Variants in MAGI2 observed in about 807,000 individuals in gnomAD.
MAGI2 encodes the protein membrane-associated guanylate kinase, WW and PDZ domain-containing protein 2.
Under a neutral mutation model 133.3 loss-of-function variants are expected in MAGI2, and 35 were observed. That is an observed-to-expected ratio of 0.26 (90% confidence interval 0.20 to 0.35). MAGI2 has a LOEUF of 0.35. Ranked by LOEUF, MAGI2 falls within the 10% of genes least tolerant of loss-of-function variation. The pLI, the probability that MAGI2 is intolerant of heterozygous loss-of-function variation, is 1.00. For missense variants in MAGI2, 1,636 were observed against 1,863.4 expected (o/e 0.88, Z 2.25); for synonymous variants, 729 against 710.6 (o/e 1.03, Z -0.41).
intron 2 of MAGI2, among the ~76,000 whole-genome samples, chr7:78,780,413 AT>A (rs1221364597): frequency 6.6e-6 from 1 of 152,206 alleles, no homozygotes; most frequent in Non-Finnish European, 1.5e-5. Context: ...AAAGCAAAAT[AT>A]CAGTTGAAAC....
chr7:79,063,275 C>T (rs1480928552), intron 1 of MAGI2, among the ~76,000 whole-genome samples: 1 of 152,058 alleles, frequency 6.6e-6, no homozygotes, highest in African/African-American at 2.4e-5. Flanking sequence ...CTCATATTAT[C>T]ATCAGCCAAA....
At chr7:78,201,037 A>AT (rs1279908382) in intron 11 of MAGI2, 125 bp downstream of exon 11, 99 of 629,716 alleles carry the variant, frequency 1.6e-4, no homozygotes, top group Admixed American at 1.2e-3. Flanking sequence ...CAGAGGATTT[A>AT]TTTTTTTTAC....
intron 9 of MAGI2, among the ~76,000 whole-genome samples, chr7:78,266,010 C>T (rs1238450383): frequency 6.6e-6 from 1 of 152,102 alleles, no homozygotes; most frequent in Non-Finnish European, 1.5e-5. Context: ...CAATAGCCTG[C>T]AGTTCTGACT....
intron 1 of MAGI2, among the ~76,000 whole-genome samples, chr7:79,371,430 C>T (rs1843040747): frequency 6.6e-6 from 1 of 151,918 alleles, no homozygotes; most frequent in African/African-American, 2.4e-5. Flanking sequence ...CATGACATTC[C>T]TGTTAACTAC....
At chr7:78,976,748 A>G (rs550919102) in intron 2 of MAGI2, among the ~76,000 whole-genome samples, 15 of 151,656 alleles carry the variant, frequency 9.9e-5, no homozygotes, top group African/African-American at 3.1e-4. Flanking sequence ...ATAACCAAGT[A>G]TAGCAAGGTT....
intron 2 of MAGI2, among the ~76,000 whole-genome samples, chr7:78,951,473 G>T (rs977973311): frequency 6.6e-6 from 1 of 152,114 alleles, no homozygotes; most frequent in African/African-American, 2.4e-5. Flanking sequence ...AAGGAGAAGT[G>T]CCAGCAGGGG....
At chr7:78,111,727 A>C (rs1373176668) in intron 20 of MAGI2, among the ~76,000 whole-genome samples, 1 of 152,240 alleles carries the variant, frequency 6.6e-6, no homozygotes, top group Non-Finnish European at 1.5e-5. Flanking sequence ...GGCATGGAGC[A>C]GGGCCAGACA....
At chr7:79,096,876 G>C (rs1319165698) in intron 1 of MAGI2, among the ~76,000 whole-genome samples, 2 of 151,996 alleles carry the variant, frequency 1.3e-5, no homozygotes, top group African/African-American at 4.8e-5. Flanking sequence ...CCCAAACTAG[G>C]GAGAACATAA....
chr7:79,435,643 C>A (rs1299824878), intron 1 of MAGI2, among the ~76,000 whole-genome samples: 1 of 152,040 alleles, frequency 6.6e-6, no homozygotes. Context: ...ATTCCATGCT[C>A]GTGAATTGGC....
At chr7:79,213,233 TGTGTGTATATATGTGG>T (rs1213563805) in intron 1 of MAGI2, among the ~76,000 whole-genome samples, 2 of 151,876 alleles carry the variant, frequency 1.3e-5, no homozygotes, top group African/African-American at 4.8e-5. Flanking sequence ...TATGTGTGTG[TGTGTGTATATATGTGG>T]GTGTGTATAT....
At chr7:78,610,458 G>T (rs1806319396) in intron 3 of MAGI2, among the ~76,000 whole-genome samples, 1 of 152,164 alleles carries the variant, frequency 6.6e-6, no homozygotes, top group Non-Finnish European at 1.5e-5. Flanking sequence ...GTGGAGACCT[G>T]GAGGGTTGAA....
intron 2 of MAGI2, among the ~76,000 whole-genome samples, chr7:78,945,049 A>G (rs1799000): frequency 0.051 from 7,776 of 151,542 alleles, 246 homozygotes; most frequent in Non-Finnish European, 0.078. Flanking sequence ...TCATTATTAA[A>G]TTAAATTAAT....
chr7:78,865,200 T>A (rs1794456899), intron 2 of MAGI2, among the ~76,000 whole-genome samples: 1 of 152,064 alleles, frequency 6.6e-6, no homozygotes, highest in South Asian at 2.1e-4. Context: ...TATATAATTT[T>A]GAAAAAGGAA....
At chr7:78,487,618 C>T (rs570523692) in intron 6 of MAGI2, among the ~76,000 whole-genome samples, 38 of 152,144 alleles carry the variant, frequency 2.5e-4, no homozygotes, top group Non-Finnish European at 4.9e-4. Flanking sequence ...TAGCTGAAAA[C>T]TCTGGTGGCC....
At chr7:78,219,340 A>G (rs997237211) in intron 10 of MAGI2, among the ~76,000 whole-genome samples, 2 of 152,176 alleles carry the variant, frequency 1.3e-5, no homozygotes, top group African/African-American at 4.8e-5. Context: ...CATTAAATGC[A>G]TATTGATTGA....
At chr7:78,910,475 T>C (rs1311180188) in intron 2 of MAGI2, among the ~76,000 whole-genome samples, 1 of 152,160 alleles carries the variant, frequency 6.6e-6, no homozygotes, top group Non-Finnish European at 1.5e-5. Flanking sequence ...GTAAAGTTTA[T>C]ATGTAACTTG....
chr7:78,725,261 T>C (rs1174054761), intron 2 of MAGI2, among the ~76,000 whole-genome samples: 2 of 152,222 alleles, frequency 1.3e-5, no homozygotes, highest in African/African-American at 2.4e-5. Flanking sequence ...GGTGAACTAA[T>C]AGATCGAAAA....
intron 9 of MAGI2, among the ~76,000 whole-genome samples, chr7:78,272,818 T>G (rs1363663348): frequency 1.3e-5 from 2 of 152,216 alleles, no homozygotes; most frequent in Non-Finnish European, 1.5e-5. Flanking sequence ...TCCCTTTATT[T>G]TGAGTCTATG....
intron 1 of MAGI2, among the ~76,000 whole-genome samples, chr7:79,303,137 T>G (rs575637634): frequency 6.6e-6 from 1 of 152,226 alleles, no homozygotes; most frequent in South Asian, 2.1e-4. Context: ...TTAAATACCT[T>G]TCCTGCTTTG....
Sources: allele counts gnomAD v4.1 joint callset (sites outside exome capture counted in the v4.1 genomes callset), GRCh38; gene constraint gnomAD v4.1.1; transcripts MANE v1.5; gene names NCBI Gene and HGNC (gene_info 2026-07-23, HGNC 2026-07-21).